Variants in SCLY observed in about 807,000 individuals in gnomAD.
SCLY encodes putative selenocysteine lyase.
A neutral mutation model predicts 50.1 loss-of-function variants in SCLY; 38 were observed. The ratio of observed to expected loss-of-function variants is 0.76; its 90% CI spans 0.59 to 0.99. The LOEUF is 0.99. SCLY is among the 50% of genes least tolerant of loss of function. The pLI is 0.00. For missense variants in SCLY, 600 were observed against 620.0 expected (o/e 0.97, Z 0.34); for synonymous variants, 243 against 249.4 (o/e 0.97, Z 0.24).
chr2:238,086,708 TAA>T (rs386393003), intron 7 of SCLY, among the ~76,000 whole-genome samples: 5 of 97,704 alleles, frequency 5.1e-5, no homozygotes, highest in South Asian at 3.4e-4. Context: ...CCTGTCTCTT[TAA>T]AAAAAAAAAA....
Position 238,075,206 on chromosome 2 carries a change from G to T in SCLY, c.484+5729G>T, listed in dbSNP as rs572732238. 5.9e-5 allele frequency among the ~76,000 whole-genome samples: 9 copies of T among 152,148 alleles called. No homozygotes were observed. In the East Asian group the frequency reaches 1.5e-3, roughly 26 times the overall value. ...TGGGTTTTTGTTCTTTATTCTGTTT[G>T]TAATGTTGTATTACCTTAACTAATT... On this transcript the variant is annotated intron_variant, in intron 4 of 11. Transcript: ENST00000254663.
Position 238,098,633 on chromosome 2 carries a change from G to GGGACCGCCCACATAGAACCGCCCACATA in SCLY, c.*291_*292insAGAACCGCCCACATAGGACCGCCCACAT, listed in dbSNP as rs1559254775. ...ACCGCCCACATGGGACCGCCCACATGGGACCGCCCACATGGGACCGCCCAC... is the reference window on the plus strand; with the variant it reads ...ACCGCCCACATGGGACCGCCCACATGGGACCGCCCACATAGAACCGCCCACATAGGACCGCCCACATGGGACCGCCCAC... On this transcript the variant is annotated 3_prime_UTR_variant, in exon 12 of 12. Transcript: ENST00000254663. 146 of 230,696 alleles carry GGGACCGCCCACATAGAACCGCCCACATA rather than the reference G, an allele frequency of 6.3e-4. 2 individuals carry two copies. Among genetic ancestry groups the GGGACCGCCCACATAGAACCGCCCACATA allele is most frequent in the Admixed American group, 8.2e-4 (11 of 13,448 alleles). 14.3% of individuals were successfully genotyped at this position (230,696 alleles called of 1,614,324 possible).
chr2:238,094,278 T>TA (rs1559252084), intron 9 of SCLY, 142 bp from the exon 10 acceptor site: 7 of 730,256 alleles, frequency 9.6e-6, no homozygotes, highest in Non-Finnish European at 1.6e-5. Context: ...CCATAGTCCG[T>TA]CCCCGTAACT....
intron 7 of SCLY, among the ~76,000 whole-genome samples, chr2:238,090,999 C>A (rs2065356056): frequency 6.6e-6 from 1 of 152,158 alleles, no homozygotes; most frequent in Admixed American, 6.5e-5. Flanking sequence ...AACACATCAC[C>A]CACAGTGGGC....
intron 8 of SCLY, chr2:238,093,611 G>A (rs549858883): frequency 1.4e-5 from 7 of 509,354 alleles, no homozygotes; most frequent in African/African-American, 3.8e-5. Flanking sequence ...CTGGCTCCTC[G>A]AGGGAGCCCT....
intron 7 of SCLY, among the ~76,000 whole-genome samples, chr2:238,088,264 C>G (rs1259676143): frequency 6.6e-6 from 1 of 152,066 alleles, no homozygotes; most frequent in East Asian, 1.9e-4. Flanking sequence ...GAGTTCGGGC[C>G]CAGCCTGGCC....
chr2:238,080,495 C>T (rs1353815734), intron 4 of SCLY: 5 of 152,284 alleles, frequency 3.3e-5, no homozygotes, highest in Non-Finnish European at 7.3e-5. Flanking sequence ...AAAGGAAGGC[C>T]CACGGTGGGC....
rs200059951 is a variant in SCLY, at chr2:238,089,662, TA to T, written c.885-1553del. The stretch of plus-strand genomic sequence containing the variant: ...TTTTTTTTGCGATTTTTTTTTTTTT[TA>T]AAGCTCATCAGCTATCATTAGTGTA... On this transcript the variant is annotated intron_variant, in intron 7 of 11. Transcript: ENST00000254663. 7.3e-4 allele frequency among the ~76,000 whole-genome samples: 95 copies of T among 129,844 alleles called. No individual in the cohort carries two copies. In the East Asian group the frequency reaches 0.018, roughly 24 times the overall value. The allele number at this position is 129,844 out of a possible 152,430, so 85.2% of individuals were successfully genotyped here.
intron 9 of SCLY, 40 bp from the exon 10 acceptor site, chr2:238,094,380 C>T: frequency 6.5e-7 from 1 of 1,544,870 alleles, no homozygotes; most frequent in Admixed American, 1.7e-5. Flanking sequence ...GTGGTGGTGT[C>T]TTTGAAGCTG....
At chr2:238,090,717 G>A (rs1406485928) in intron 7 of SCLY, among the ~76,000 whole-genome samples, 1 of 152,002 alleles carries the variant, frequency 6.6e-6, no homozygotes, top group Non-Finnish European at 1.5e-5. Context: ...CGGTTTGTTA[G>A]GTCAGAGTAT....
chr2:238,075,403 A>T (rs2065163923), intron 4 of SCLY, among the ~76,000 whole-genome samples: 1 of 152,162 alleles, frequency 6.6e-6, no homozygotes, highest in Non-Finnish European at 1.5e-5. Context: ...AAATCATGGG[A>T]AGTGTTCCCT....
rs577285844 is a variant in SCLY, at chr2:238,066,145, C to A, written c.202+1676C>A. Among the ~76,000 whole-genome samples the A allele has an allele frequency of 9.9e-5, 15 of 152,254 alleles. No individual in the cohort carries two copies. In the East Asian group the frequency reaches 2.7e-3, roughly 27 times the overall value. ...ATTTTTATGAAAAATAAACTATCTT[C>A]GGCAAAACAAGAAACCTAGTGAGCA... On this transcript the variant is annotated intron_variant, in intron 2 of 11. Transcript: ENST00000254663. This position sits in a 1 kb window ranked among gnomAD's most constrained non-coding sequence, Gnocchi z 4.1.
At chr2:238,092,092 GTGTGTTTGTTTGAGA>G (rs1357149244) in intron 8 of SCLY, 2 of 152,294 alleles carry the variant, frequency 1.3e-5, no homozygotes, top group African/African-American at 4.8e-5. Flanking sequence ...AAGGAAGAGT[GTGTGTTTGTTTGAGA>G]TGGAGTCTCA....
In SCLY at chr2:238,068,139, AT is replaced by A. The variant is rs1172343948; in HGVS notation, c.278del (p.Ile93LysfsTer13). 1 of 1,610,672 alleles carries A rather than the reference AT, an allele frequency of 6.2e-7. No homozygotes were observed. Among genetic ancestry groups the A allele is most frequent in the Admixed American group, 1.7e-5 (1 of 59,500 alleles). On this transcript the variant is annotated frameshift_variant, in exon 3 of 12. Coordinates refer to ENST00000254663, the MANE Select transcript of SCLY (RefSeq NM_016510.7). LOFTEE classifies it high-confidence loss of function. ...GATGATAGGGGGGAAACCTCAAGAT[AT>A]AATCTTCACTTCCGGGGGCACTGAG... The part of the protein sequence containing the change: ...AKMIGGKPQD[I>X]IFTSGGTESN...
In SCLY at chr2:238,096,769, C is replaced by T. The variant is rs778205392; in HGVS notation, c.1109-32C>T. 10 of 1,590,420 alleles carry T rather than the reference C, an allele frequency of 6.3e-6. No individual in the cohort carries two copies. The South Asian group carries it at 1.1e-4, about 18-fold the overall frequency. Reference sequence around the variant, plus strand: ...ACAGAAGGGCAACCTGGCTGGAGCCCCATCTCAGGGGCATGTGCTCTGTCT... The same window carrying T: ...ACAGAAGGGCAACCTGGCTGGAGCCTCATCTCAGGGGCATGTGCTCTGTCT... On this transcript the variant is annotated intron_variant, in intron 10 of 11. Transcript: ENST00000254663.
chr2:238,091,544 G>GATC, intron 8 of SCLY: 1 of 413,776 alleles, frequency 2.4e-6, no homozygotes, highest in Non-Finnish European at 4.5e-6. Flanking sequence ...CAAGCTGCAG[G>GATC]TTCACCATTC....
chr2:238,069,657 T>A lies in SCLY; in HGVS notation c.484+180T>A. 1.8e-6 allele frequency: 1 copy of A among 558,566 alleles called. No homozygotes were observed. The allele number at this position is 558,566 out of a possible 1,614,324, so 34.6% of individuals were successfully genotyped here. The stretch of plus-strand genomic sequence containing the variant: ...TGGCACCTTGGTGAATAGTTGCCCC[T>A]CACTGCACTGGGCTCCCTGGCTGCC... On this transcript the variant is annotated intron_variant, in intron 4 of 11. Coordinates refer to ENST00000254663, the MANE Select transcript of SCLY (RefSeq NM_016510.7). This position sits in a 1 kb window ranked among gnomAD's most constrained non-coding sequence, Gnocchi z 5.0.
At position 238,098,893 on chromosome 2, in the gene SCLY, A is replaced by G. The variant is rs61544914; in HGVS notation, c.*538A>G. On this transcript the variant is annotated 3_prime_UTR_variant, in exon 12 of 12. Coordinates refer to ENST00000254663, the MANE Select transcript of SCLY (RefSeq NM_016510.7). ...CACCTTTCCAGAGTGGTCTCTTCTCAGGCCCTTTTTAGTCCCTTTCCAAAG... is the reference window on the plus strand; with the variant it reads ...CACCTTTCCAGAGTGGTCTCTTCTCGGGCCCTTTTTAGTCCCTTTCCAAAG... 0.45 allele frequency: 99,734 copies of G among 222,932 alleles called. 24,262 individuals carry two copies. Among genetic ancestry groups the G allele is most frequent in the Non-Finnish European group, 0.53 (60,422 of 114,446 alleles). The allele number at this position is 222,932 out of a possible 1,614,324, so 13.8% of individuals were successfully genotyped here.
At chr2:238,093,647 T>C in intron 8 of SCLY, 1 of 578,460 alleles carries the variant, frequency 1.7e-6, no homozygotes, top group Non-Finnish European at 3.1e-6. Flanking sequence ...CTGAGGCATC[T>C]CCAGTGCCTG....
Sources: allele counts gnomAD v4.1 joint callset (sites outside exome capture counted in the v4.1 genomes callset), GRCh38; gene constraint gnomAD v4.1.1; non-coding constraint Gnocchi (gnomAD v3.1); transcripts MANE v1.5; gene names NCBI Gene and HGNC (gene_info 2026-07-23, HGNC 2026-07-21).